The following ANKS1B variants were observed in gnomAD, a reference collection of about 807,000 sequenced individuals.
The protein encoded by ANKS1B is ankyrin repeat and sterile alpha motif domain containing 1B.
ANKS1B carries 36 observed loss-of-function variants against 148.3 expected under a neutral mutation model. The ratio of observed to expected loss-of-function variants is 0.24; its 90% CI spans 0.19 to 0.32. The LOEUF (loss-of-function observed/expected upper bound fraction) is 0.32, where lower values mean the gene tolerates loss of function less well. Ranked by LOEUF, ANKS1B falls within the 10% of genes least tolerant of loss-of-function variation. ANKS1B has a pLI of 1.00. For synonymous variants in ANKS1B, 542 were observed against 560.8 expected, an observed-to-expected ratio of 0.97 and a Z score of 0.47; for missense variants, 1,157 against 1,542.6, an observed-to-expected ratio of 0.75 and a Z score of 4.19.
chr12:98,901,027 AT>A (rs143923210), intron 17 of ANKS1B, among the ~76,000 whole-genome samples: 2 of 151,996 alleles, frequency 1.3e-5, no homozygotes, highest in East Asian at 1.9e-4. Flanking sequence ...TGCATTTATC[AT>A]TTTTTTTAGT....
chr12:99,732,064 A>C lies in ANKS1B; in HGVS notation c.1128+40858T>G, dbSNP rs1163004746. Among the ~76,000 whole-genome samples the C allele has an allele frequency of 2.6e-5, 4 of 152,236 alleles. No homozygotes were observed. The East Asian group carries it at 7.7e-4, about 29-fold the overall frequency. ...GCAGGTAAATAAATGATGTTCTATAATATTGGTAGTCTTTAAGGAAATGCA... is the reference window on the plus strand; with the variant it reads ...GCAGGTAAATAAATGATGTTCTATACTATTGGTAGTCTTTAAGGAAATGCA... On this transcript the variant is annotated intron_variant, in intron 8 of 26. Transcript: ENST00000683438.
intron 12 of ANKS1B, among the ~76,000 whole-genome samples, chr12:99,292,475 A>T (rs1358910186): frequency 1.3e-5 from 2 of 150,908 alleles, no homozygotes; most frequent in South Asian, 4.2e-4. Context: ...AAATCACGCC[A>T]CTGCACTCCA....
intron 9 of ANKS1B, among the ~76,000 whole-genome samples, chr12:99,641,974 T>C (rs1473132683): frequency 6.6e-6 from 1 of 152,162 alleles, no homozygotes; most frequent in East Asian, 1.9e-4. Context: ...AAATAGTCCA[T>C]AGAATTACTG....
chr12:99,661,569 T>C (rs1211846047), intron 8 of ANKS1B, among the ~76,000 whole-genome samples: 3 of 152,120 alleles, frequency 2.0e-5, no homozygotes, highest in South Asian at 2.1e-4. Flanking sequence ...TTGCCCATAA[T>C]GTTTAAACAC....
At chr12:98,761,414 G>T (rs545191737) in intron 25 of ANKS1B, among the ~76,000 whole-genome samples, 1 of 152,190 alleles carries the variant, frequency 6.6e-6, no homozygotes, top group African/African-American at 2.4e-5. Flanking sequence ...AAAGAAATAT[G>T]CAGCATAAAA....
chr12:99,915,486 A>G (rs3851623), intron 1 of ANKS1B, among the ~76,000 whole-genome samples: 93,011 of 151,984 alleles, frequency 0.61, 29,697 homozygotes, highest in African/African-American at 0.71. Context: ...CAAGGAAATC[A>G]TAAGTAGGTC....
Position 99,600,188 on chromosome 12 carries a change from A to T in ANKS1B, c.1272+54879T>A, listed in dbSNP as rs998293225. Among the ~76,000 whole-genome samples the T allele has an allele frequency of 2.6e-5, 4 of 152,000 alleles. No individual in the cohort carries two copies. The East Asian group carries it at 7.7e-4, about 29-fold the overall frequency. ...TTTAGTGTTCTATTTACATGTGATT[A>T]TACATACTCAGGGTCCTGGTGCTAG... On this transcript the variant is annotated intron_variant, in intron 9 of 26. Coordinates refer to ENST00000683438, the MANE Select transcript of ANKS1B (RefSeq NM_001352186.2).
At chr12:99,349,774 T>C (rs1023942510) in intron 12 of ANKS1B, among the ~76,000 whole-genome samples, 1 of 151,868 alleles carries the variant, frequency 6.6e-6, no homozygotes, top group Non-Finnish European at 1.5e-5. Context: ...AAAATAACTA[T>C]ACAGAAGGTC....
intron 8 of ANKS1B, among the ~76,000 whole-genome samples, chr12:99,740,418 A>C (rs561910248): frequency 6.6e-6 from 1 of 152,350 alleles, no homozygotes; most frequent in Admixed American, 6.5e-5. Context: ...GAAATATTCC[A>C]GGAATCAGAC....
intron 12 of ANKS1B, among the ~76,000 whole-genome samples, chr12:99,380,903 T>G (rs920493542): frequency 6.6e-6 from 1 of 152,102 alleles, no homozygotes; most frequent in Non-Finnish European, 1.5e-5. Context: ...TCTGTCACCA[T>G]GAAGTTCATG....
At chr12:98,957,057 C>A (rs374603103) in intron 17 of ANKS1B, among the ~76,000 whole-genome samples, 22 of 152,244 alleles carry the variant, frequency 1.4e-4, no homozygotes, top group African/African-American at 4.8e-4. Flanking sequence ...CTTAATAGCT[C>A]TAGAAGTGAG....
chr12:99,217,992 A>C (rs1425364950), intron 14 of ANKS1B, among the ~76,000 whole-genome samples: 1 of 152,130 alleles, frequency 6.6e-6, no homozygotes, highest in South Asian at 2.1e-4. Flanking sequence ...TGTTAAGACA[A>C]GGGCACAGAG....
chr12:99,929,696 A>G (rs1427453398), intron 1 of ANKS1B, among the ~76,000 whole-genome samples: 1 of 152,220 alleles, frequency 6.6e-6, no homozygotes, highest in Non-Finnish European at 1.5e-5. Context: ...GAAGGGATCC[A>G]GTTTCAGCCT....
chr12:98,923,547 A>C (rs2099804199), intron 17 of ANKS1B, among the ~76,000 whole-genome samples: 1 of 152,160 alleles, frequency 6.6e-6, no homozygotes, highest in South Asian at 2.1e-4. Flanking sequence ...TCATTCTGCA[A>C]TTCTTGCACA....
At position 99,561,580 on chromosome 12, in the gene ANKS1B, T is replaced by C. The variant is rs550410310; in HGVS notation, c.1273-56939A>G. ...ATCAAAACTTAAGCAGCAACGTTCC[T>C]CAGGAGTTGATTTTGTCTCAAGAAA... On this transcript the variant is annotated intron_variant, in intron 9 of 26. Transcript: ENST00000683438. 2.6e-5 allele frequency among the ~76,000 whole-genome samples: 4 copies of C among 152,296 alleles called. No homozygotes were observed. In the South Asian group the frequency reaches 8.3e-4, roughly 32 times the overall value.
chr12:99,327,089 T>C (rs2086476737), intron 12 of ANKS1B, among the ~76,000 whole-genome samples: 1 of 130,706 alleles, frequency 7.7e-6, no homozygotes, highest in Non-Finnish European at 1.6e-5. Context: ...AATGTTATAT[T>C]ATAATATATC....
rs2097856399 is a variant in ANKS1B, at chr12:98,745,360, T to C, written c.*379A>G. The C allele has an allele frequency of 1.0e-6, 1 of 989,592 alleles. No individual in the cohort carries two copies. The highest frequency in any genetic ancestry group is 1.2e-6 in the Non-Finnish European group (1 of 835,754). 61.3% of individuals were successfully genotyped at this position (989,592 alleles called of 1,614,324 possible). ...GTGAAAGCATACTTTTAGGCAGTAT[T>C]AGAGATCCCCTTTACTTTTTTTTTT... On this transcript the variant is annotated 3_prime_UTR_variant, in exon 27 of 27. Transcript: ENST00000683438.
chr12:99,091,750 G>A (rs887303231), intron 15 of ANKS1B, among the ~76,000 whole-genome samples: 1 of 151,952 alleles, frequency 6.6e-6, no homozygotes, highest in Non-Finnish European at 1.5e-5. Flanking sequence ...ACTGTGTCAG[G>A]CACTGTTCTA....
At chr12:99,954,413 C>T (rs1566074494) in intron 1 of ANKS1B, among the ~76,000 whole-genome samples, 1 of 152,224 alleles carries the variant, frequency 6.6e-6, no homozygotes, top group Non-Finnish European at 1.5e-5. Context: ...TGTCCAAACA[C>T]TACTCCTCCA....
Sources: gnomAD v4.1 joint callset for allele counts (sites outside exome capture counted in the v4.1 genomes callset) on GRCh38, gnomAD v4.1.1 for gene constraint, MANE v1.5 for transcripts, NCBI Gene and HGNC (gene_info 2026-07-23, HGNC 2026-07-21) for gene names.